Variants in TBC1D31 observed in about 807,000 individuals in gnomAD.
TBC1D31 encodes the protein TBC1 domain family member 31, also known as WD repeat domain 67.
A neutral mutation model predicts 132.9 loss-of-function variants in TBC1D31; 99 were observed. The observed-to-expected ratio is 0.74, with a 90% CI of 0.63 to 0.88. The LOEUF (loss-of-function observed/expected upper bound fraction) is 0.88, where lower values mean the gene tolerates loss of function less well. Among genes scored for constraint, TBC1D31 ranks in the 40% least tolerant of loss-of-function variants. TBC1D31 has a pLI of 0.00. For synonymous variants in TBC1D31, 385 were observed against 419.4 expected, an observed-to-expected ratio of 0.92 and a Z score of 1.00; for missense variants, 1,134 against 1,256.6, an observed-to-expected ratio of 0.90 and a Z score of 1.48.
At chr8:123,142,491 G>C in intron 19 of TBC1D31, 35 bp downstream of exon 19, 3 of 1,365,204 alleles carry the variant, frequency 2.2e-6, no homozygotes, top group Non-Finnish European at 2.9e-6. Flanking sequence ...TTAATATCAA[G>C]CATTGATTTT....
At chr8:123,111,034 A>G (rs975332770) in intron 10 of TBC1D31, among the ~76,000 whole-genome samples, 1 of 151,636 alleles carries the variant, frequency 6.6e-6, no homozygotes, top group African/African-American at 2.4e-5. Flanking sequence ...ATGTTTCTCT[A>G]TCTCCTGAAT....
intron 13 of TBC1D31, among the ~76,000 whole-genome samples, chr8:123,126,922 AG>A (rs1286649300): frequency 6.6e-6 from 1 of 151,780 alleles, no homozygotes; most frequent in Non-Finnish European, 1.5e-5. Context: ...TTGTATTTTT[AG>A]TAGAGATGGG....
At chr8:123,098,953 C>T (rs773822461) in intron 6 of TBC1D31, among the ~76,000 whole-genome samples, 14 of 152,210 alleles carry the variant, frequency 9.2e-5, no homozygotes, top group Non-Finnish European at 4.4e-5. Context: ...TCCAAACTGC[C>T]TTTTACCATC....
intron 20 of TBC1D31, among the ~76,000 whole-genome samples, chr8:123,148,126 C>CA (rs768554132): frequency 0.11 from 13,080 of 115,854 alleles, 680 homozygotes; most frequent in Admixed American, 0.2. Flanking sequence ...GACTCCATCT[C>CA]AAAAAAAAAA....
intron 20 of TBC1D31, among the ~76,000 whole-genome samples, chr8:123,148,627 T>C (rs1260419461): frequency 6.6e-6 from 1 of 152,178 alleles, no homozygotes; most frequent in Non-Finnish European, 1.5e-5. Flanking sequence ...GTCTTGTCTG[T>C]GCAGCAAATG....
chr8:123,116,721 C>A (rs1324005635), intron 10 of TBC1D31, among the ~76,000 whole-genome samples: 5 of 152,072 alleles, frequency 3.3e-5, no homozygotes, highest in Non-Finnish European at 7.4e-5. Context: ...AGGAAATGCT[C>A]TGAAAGGATG....
At chr8:123,072,881 G>A (rs1586520669) in intron 1 of TBC1D31, 35 bp downstream of exon 1, 3 of 1,546,316 alleles carry the variant, frequency 1.9e-6, no homozygotes, top group African/African-American at 1.4e-5. Context: ...GGGCTGTGGA[G>A]GGGATGGAGA....
At chr8:123,106,301 A>G (rs970997671) in intron 8 of TBC1D31, among the ~76,000 whole-genome samples, 1 of 152,216 alleles carries the variant, frequency 6.6e-6, no homozygotes, top group East Asian at 1.9e-4. Context: ...GCACATGACC[A>G]TCATTCTGTC....
rs16898034 is a variant in TBC1D31 at position 123,140,924 on chromosome 8, A to G, written c.2640+23A>G. The G allele has an allele frequency of 1.5e-3, 2,369 of 1,605,910 alleles. 30 individuals carry two copies. The African/African-American group carries it at 0.029, about 20-fold the overall frequency. ...AAGGTAAAAATATGATCCATTTAGT[A>G]TACATGCAGAGGAGAAATTTTCATC... On this transcript the variant is annotated intron_variant, in intron 18 of 21. Coordinates refer to ENST00000287380, the MANE Select transcript of TBC1D31 (RefSeq NM_145647.4).
At chr8:123,083,762 A>C (rs1427225396) in intron 3 of TBC1D31, 1 of 156,574 alleles carries the variant, frequency 6.4e-6, no homozygotes. Context: ...CTCCTGTCTG[A>C]ATTATTACAG....
At chr8:123,118,460 A>G (rs1432814871) in intron 10 of TBC1D31, among the ~76,000 whole-genome samples, 10 of 152,248 alleles carry the variant, frequency 6.6e-5, no homozygotes, top group Admixed American at 6.5e-4. Flanking sequence ...TGGGAGAATT[A>G]TAATCCCAGA....
Position 123,101,012 on chromosome 8 carries a change from G to A in TBC1D31, c.1032+5G>A, listed in dbSNP as rs1366802287. 2 of 1,586,216 alleles carry A rather than the reference G, an allele frequency of 1.3e-6. No homozygotes were observed. The highest frequency in any genetic ancestry group is 1.7e-4 in the Middle Eastern group (1 of 6,016). On this transcript the variant is annotated splice_donor_5th_base_variant and intron_variant, in intron 7 of 21. Coordinates refer to ENST00000287380, the MANE Select transcript of TBC1D31 (RefSeq NM_145647.4). ...TTAACACAAGAAATAAATAAGGTAT[G>A]TATGATGAAGTAATCAACATCAGCT...
chr8:123,100,714 A>AC, intron 6 of TBC1D31, 93 bp from the exon 7 acceptor site: 1 of 853,504 alleles, frequency 1.2e-6, no homozygotes. Flanking sequence ...ATACATACAC[A>AC]AACGTTGCAT....
intron 1 of TBC1D31, among the ~76,000 whole-genome samples, chr8:123,075,571 C>T (rs1258878822): frequency 6.6e-6 from 1 of 151,910 alleles, no homozygotes; most frequent in Non-Finnish European, 1.5e-5. Context: ...GGCATGGTAG[C>T]GTGCACCTGT....
At chr8:123,151,181 T>C (rs1822738123) in intron 21 of TBC1D31, among the ~76,000 whole-genome samples, 2 of 150,340 alleles carry the variant, frequency 1.3e-5, no homozygotes, top group African/African-American at 4.9e-5. Context: ...GTTGTATTTC[T>C]TTGGGAGGAA....
At chr8:123,143,403 C>T (rs754869469) in intron 19 of TBC1D31, among the ~76,000 whole-genome samples, 11 of 151,896 alleles carry the variant, frequency 7.2e-5, no homozygotes, top group Non-Finnish European at 1.2e-4. Flanking sequence ...GAATGGAGTC[C>T]GAGGAGGTAA....
chr8:123,136,614 C>T (rs922933414), intron 17 of TBC1D31, among the ~76,000 whole-genome samples: 1 of 152,094 alleles, frequency 6.6e-6, no homozygotes, highest in African/African-American at 2.4e-5. Context: ...CCGCACCTGG[C>T]TAATTTTTGT....
chr8:123,077,072 G>A (rs777192666), intron 1 of TBC1D31, 39 bp from the exon 2 acceptor site: 30 of 1,540,076 alleles, frequency 1.9e-5, no homozygotes, highest in Middle Eastern at 3.4e-4. Flanking sequence ...CAAGTAATAC[G>A]TGACATAGAT....
intron 17 of TBC1D31, 104 bp downstream of exon 17, chr8:123,134,310 T>A: frequency 6.0e-6 from 5 of 826,476 alleles, no homozygotes; most frequent in Non-Finnish European, 9.9e-6. Flanking sequence ...GGAAGGAGGA[T>A]CACTTGAGCT....
Sources: gnomAD v4.1 joint callset for allele counts (sites outside exome capture counted in the v4.1 genomes callset) on GRCh38, gnomAD v4.1.1 for gene constraint, MANE v1.5 for transcripts, NCBI Gene and HGNC (gene_info 2026-07-23, HGNC 2026-07-21) for gene names.